ARMC9: variants seen among roughly 807,000 people sequenced by gnomAD.
ARMC9 encodes the protein armadillo repeat containing 9.
ARMC9 carries 94 observed loss-of-function variants against 107.0 expected under a neutral mutation model. That is an observed-to-expected ratio of 0.88 (90% CI 0.74 to 1.04). The LOEUF (loss-of-function observed/expected upper bound fraction) is 1.04. Among genes scored for constraint, ARMC9 ranks in the 50% least tolerant of loss-of-function variants. The pLI is 0.00. For missense variants in ARMC9, 942 were observed against 1,030.1 expected (o/e 0.91, Z 1.17); for synonymous variants, 380 against 396.9 (o/e 0.96, Z 0.51).
chr2:231,329,124 G>A (rs1042907609), intron 19 of ARMC9, among the ~76,000 whole-genome samples: 6 of 149,044 alleles, frequency 4.0e-5, no homozygotes, highest in African/African-American at 1.2e-4. Flanking sequence ...CCCGGCCAAC[G>A]TGTTTAATTT....
Position 231,246,820 on chromosome 2 carries a change from T to C in ARMC9, c.879+6779T>C, listed in dbSNP as rs77460061. Among the ~76,000 whole-genome samples, 590 of 152,148 alleles carry C rather than the reference T, an allele frequency of 3.9e-3. 5 individuals carry two copies. The highest frequency in any genetic ancestry group is 0.014 in the African/African-American group (568 of 41,438). ...TTCCCACGAACACATACAGAGCTTT[T>C]TTTGTTTTTGTTTTTGAGACAAGGC... On this transcript the variant is annotated intron_variant, in intron 9 of 24. Transcript: ENST00000611582.
At chr2:231,210,797 A>C (rs1028414111) in intron 3 of ARMC9, among the ~76,000 whole-genome samples, 2 of 152,244 alleles carry the variant, frequency 1.3e-5, no homozygotes, top group African/African-American at 4.8e-5. Flanking sequence ...CATGTTAACT[A>C]TTCTTATGTG....
intron 19 of ARMC9, among the ~76,000 whole-genome samples, chr2:231,298,482 T>C (rs1256391530): frequency 2.0e-5 from 3 of 152,240 alleles, no homozygotes; most frequent in Non-Finnish European, 4.4e-5. Context: ...TGGTTATCAC[T>C]TCCCAAGGTG....
At chr2:231,323,557 A>G (rs1206800028) in intron 19 of ARMC9, among the ~76,000 whole-genome samples, 1 of 152,090 alleles carries the variant, frequency 6.6e-6, no homozygotes, top group Non-Finnish European at 1.5e-5. Flanking sequence ...CTCCCCTCCC[A>G]AGCCCTAAGG....
chr2:231,273,197 T>G, intron 14 of ARMC9, 119 bp downstream of exon 14: 2 of 1,356,506 alleles, frequency 1.5e-6, no homozygotes, highest in Non-Finnish European at 2.0e-6. Context: ...GTTGGATGAC[T>G]TTCTAAGACA....
At chr2:231,218,839 C>T (rs1412487921) in intron 5 of ARMC9, among the ~76,000 whole-genome samples, 2 of 151,916 alleles carry the variant, frequency 1.3e-5, no homozygotes, top group Non-Finnish European at 2.9e-5. Flanking sequence ...GCAACCTCCA[C>T]CTCCCGGGTT....
At chr2:231,228,075 G>T (rs767964344) in intron 7 of ARMC9, among the ~76,000 whole-genome samples, 2 of 152,142 alleles carry the variant, frequency 1.3e-5, no homozygotes, top group Non-Finnish European at 2.9e-5. Context: ...CTGCAGGCCC[G>T]CTCTCTCAGT....
At chr2:231,224,358 G>A (rs1016174090) in intron 6 of ARMC9, among the ~76,000 whole-genome samples, 49 of 152,156 alleles carry the variant, frequency 3.2e-4, no homozygotes, top group Non-Finnish European at 1.0e-4. Context: ...GGAGACAGGT[G>A]GGCGAATCAC....
intron 24 of ARMC9, 42 bp from the exon 25 acceptor site, chr2:231,371,471 G>T: frequency 1.6e-6 from 2 of 1,268,660 alleles, no homozygotes; most frequent in Non-Finnish European, 9.9e-7. Flanking sequence ...TCTGTGCGGA[G>T]ACCACACAGC....
At chr2:231,361,446 A>AC (rs1272824666) in intron 23 of ARMC9, among the ~76,000 whole-genome samples, 2 of 150,992 alleles carry the variant, frequency 1.3e-5, no homozygotes, top group East Asian at 3.9e-4. Flanking sequence ...AAAAAAAAAA[A>AC]AAAATCAAAA....
At chr2:231,295,009 A>G (rs951045697) in intron 18 of ARMC9, 1 of 152,134 alleles carries the variant, frequency 6.6e-6, no homozygotes, top group African/African-American at 2.4e-5. Context: ...GGTTGAGAAC[A>G]TGGGTTTCTA....
rs147014769 is a variant in ARMC9 at position 231,219,143 on chromosome 2, CTT to C, written c.504+2360_504+2361del. ...ATTCATCCCCTTCACAATTTATGTC[CTT>C]TTTTTTTTTGTCAAGTATCTTAGTT... On this transcript the variant is annotated intron_variant, in intron 5 of 24. Transcript: ENST00000611582. Among the ~76,000 whole-genome samples, 114 of 147,722 alleles carry C rather than the reference CTT, an allele frequency of 7.7e-4. 1 individual carries two copies. Among genetic ancestry groups the C allele is most frequent in the Non-Finnish European group, 1.5e-3 (98 of 66,498 alleles).
chr2:231,338,570 C>A (rs2044287274), intron 20 of ARMC9, among the ~76,000 whole-genome samples: 1 of 136,860 alleles, frequency 7.3e-6, no homozygotes, highest in African/African-American at 2.9e-5. Context: ...GACAGTGTCT[C>A]GCTCTGTCAC....
chr2:231,236,816 C>T (rs981909567), intron 8 of ARMC9, among the ~76,000 whole-genome samples: 4 of 152,210 alleles, frequency 2.6e-5, no homozygotes, highest in South Asian at 4.1e-4. Context: ...TAGTGGAGGA[C>T]ATCTGTAATC....
intron 8 of ARMC9, among the ~76,000 whole-genome samples, chr2:231,238,930 A>T (rs543697655): frequency 6.8e-4 from 103 of 152,306 alleles, no homozygotes; most frequent in African/African-American, 2.4e-3. Context: ...CCAGGGGTGG[A>T]GTAGCCCTGC....
intron 23 of ARMC9, among the ~76,000 whole-genome samples, chr2:231,367,843 C>T (rs966384032): frequency 7.3e-5 from 11 of 151,532 alleles, no homozygotes; most frequent in Non-Finnish European, 1.5e-4. Context: ...ATTAGCCGGG[C>T]GTGGTGGCGG....
intron 8 of ARMC9, among the ~76,000 whole-genome samples, chr2:231,238,348 T>C (rs967132351): frequency 1.3e-5 from 2 of 151,972 alleles, no homozygotes; most frequent in Admixed American, 1.3e-4. Context: ...GAAAAAGGTA[T>C]GTTTTTTTGT....
chr2:231,214,527 T>C (rs16827864), intron 3 of ARMC9, among the ~76,000 whole-genome samples: 3,382 of 152,326 alleles, frequency 0.022, 131 homozygotes, highest in African/African-American at 0.078. Context: ...TTCAGTATAT[T>C]TACGTGTCCA....
intron 9 of ARMC9, among the ~76,000 whole-genome samples, chr2:231,247,188 C>T (rs1307253582): frequency 6.6e-6 from 1 of 152,222 alleles, no homozygotes; most frequent in Non-Finnish European, 1.5e-5. Flanking sequence ...ATCTCTTGAC[C>T]TCGTGATCCA....
Sources: gnomAD v4.1 joint callset for allele counts (sites outside exome capture counted in the v4.1 genomes callset) on GRCh38, gnomAD v4.1.1 for gene constraint, MANE v1.5 for transcripts, NCBI Gene and HGNC (gene_info 2026-07-23, HGNC 2026-07-21) for gene names.